Variants in SBF2 observed in about 807,000 individuals in gnomAD.
SBF2 encodes the protein myotubularin-related protein 13.
SBF2 carries 112 observed loss-of-function variants against 225.2 expected under a neutral mutation model. The ratio of observed to expected loss-of-function variants is 0.50; its 90% CI spans 0.43 to 0.58. The LOEUF (loss-of-function observed/expected upper bound fraction) is 0.58. Ranked by LOEUF, SBF2 falls within the 20% of genes least tolerant of loss-of-function variation. The probability of loss-of-function intolerance (pLI) is 0.00; values close to 1 mark genes in which losing one functional copy is unlikely to be tolerated. For synonymous variants in SBF2, 763 were observed against 773.3 expected (o/e 0.99, Z 0.22); for missense variants, 1,996 against 2,206.2 (o/e 0.90, Z 1.91).
chr11:10,067,334 G>A (rs372987165), intron 2 of SBF2, among the ~76,000 whole-genome samples: 4 of 152,120 alleles, frequency 2.6e-5, no homozygotes, highest in African/African-American at 9.7e-5. Flanking sequence ...TGCAATCCCA[G>A]TCCAAGTGTC....
intron 1 of SBF2, among the ~76,000 whole-genome samples, chr11:10,207,771 C>A (rs1957796055): frequency 6.6e-6 from 1 of 152,058 alleles, no homozygotes; most frequent in East Asian, 1.9e-4. Flanking sequence ...AGCCCAAAGG[C>A]ACAATAATTA....
At chr11:10,273,832 T>C (rs979333279) in intron 1 of SBF2, among the ~76,000 whole-genome samples, 1 of 152,198 alleles carries the variant, frequency 6.6e-6, no homozygotes, top group African/African-American at 2.4e-5. Context: ...TAGATAGACC[T>C]GACAGGAATA....
chr11:9,801,118 A>G (rs565559319), intron 32 of SBF2, among the ~76,000 whole-genome samples: 3 of 152,186 alleles, frequency 2.0e-5, no homozygotes, highest in South Asian at 4.1e-4. Flanking sequence ...AATTAATTCT[A>G]TGTCAGCATT....
intron 2 of SBF2, among the ~76,000 whole-genome samples, chr11:10,044,065 A>G (rs1004166197): frequency 1.3e-5 from 2 of 152,222 alleles, no homozygotes; most frequent in African/African-American, 4.8e-5. Flanking sequence ...TCAGTAAACT[A>G]AGCTTTGACC....
chr11:10,202,592 T>C (rs12277662), intron 1 of SBF2, among the ~76,000 whole-genome samples: 14,476 of 152,180 alleles, frequency 0.095, 939 homozygotes, highest in East Asian at 0.28. Context: ...GAGACCATCC[T>C]AGCTAACACG....
intron 10 of SBF2, 29 bp from the exon 11 acceptor site, chr11:9,993,132 A>ATTTAACT: frequency 6.5e-7 from 1 of 1,527,904 alleles, no homozygotes; most frequent in South Asian, 1.1e-5. Flanking sequence ...ATGTTAGGTA[A>ATTTAACT]TTTAACTTTT....
chr11:9,908,257 A>G (rs889991959), intron 16 of SBF2, among the ~76,000 whole-genome samples: 2 of 152,242 alleles, frequency 1.3e-5, no homozygotes, highest in African/African-American at 4.8e-5. Flanking sequence ...ATTTAAAAAC[A>G]TTACAAAATA....
rs1555073581 is a variant in SBF2, at chr11:10,196,866, A to ATTTTTTTTTTT, written c.56-2880_56-2879insAAAAAAAAAAA. Among the ~76,000 whole-genome samples the ATTTTTTTTTTT allele has an allele frequency of 4.5e-4, 45 of 99,174 alleles. 1 individual carries two copies. Among genetic ancestry groups the ATTTTTTTTTTT allele is most frequent in the Non-Finnish European group, 6.1e-4 (31 of 50,596 alleles). The allele number at this position is 99,174 out of a possible 152,430, so 65.1% of individuals were successfully genotyped here. On this transcript the variant is annotated intron_variant, in intron 1 of 39. Coordinates refer to ENST00000256190, the MANE Select transcript of SBF2 (RefSeq NM_030962.4). Reference sequence around the variant, plus strand: ...TATATATATATATATATATATATATATTTTTTTTTTCCTACAAAATGAATA... The same window carrying ATTTTTTTTTTT: ...TATATATATATATATATATATATATATTTTTTTTTTTTTTTTTTTTTCCTACAAAATGAATA...
chr11:10,109,026 G>T (rs191464302), intron 2 of SBF2, among the ~76,000 whole-genome samples: 4 of 152,264 alleles, frequency 2.6e-5, no homozygotes, highest in Non-Finnish European at 4.4e-5. Context: ...ACCTCCAAAG[G>T]CTGGCCCCTT....
At chr11:9,868,518 A>T (rs1166753189) in intron 17 of SBF2, among the ~76,000 whole-genome samples, 1 of 151,940 alleles carries the variant, frequency 6.6e-6, no homozygotes, top group Non-Finnish European at 1.5e-5. Flanking sequence ...AGACAAAAAA[A>T]TAAGTAAATA....
intron 6 of SBF2, among the ~76,000 whole-genome samples, chr11:10,011,122 C>G (rs1231156319): frequency 6.6e-6 from 1 of 152,146 alleles, no homozygotes; most frequent in Non-Finnish European, 1.5e-5. Flanking sequence ...CACATATAGT[C>G]TATTTACCCA....
At chr11:10,110,262 C>G (rs1952773018) in intron 2 of SBF2, among the ~76,000 whole-genome samples, 1 of 152,138 alleles carries the variant, frequency 6.6e-6, no homozygotes, top group South Asian at 2.1e-4. Context: ...ACTAAATTAA[C>G]CAAACTACAT....
intron 16 of SBF2, among the ~76,000 whole-genome samples, chr11:9,903,205 C>T (rs1196524574): frequency 6.6e-6 from 1 of 151,998 alleles, no homozygotes; most frequent in Non-Finnish European, 1.5e-5. Context: ...ATCTGTAGTC[C>T]CAGCTACTAG....
At chr11:10,231,250 G>A (rs1212878214) in intron 1 of SBF2, among the ~76,000 whole-genome samples, 3 of 152,216 alleles carry the variant, frequency 2.0e-5, no homozygotes, top group African/African-American at 7.2e-5. Context: ...TTTGCCATTG[G>A]TTCGAACTTT....
intron 17 of SBF2, among the ~76,000 whole-genome samples, chr11:9,876,787 T>C (rs1156870474): frequency 6.6e-6 from 1 of 152,208 alleles, no homozygotes; most frequent in Non-Finnish European, 1.5e-5. Flanking sequence ...TTACCCAGGC[T>C]AGAGTGCAGT....
At chr11:10,282,241 C>A (rs1963459312) in intron 1 of SBF2, among the ~76,000 whole-genome samples, 1 of 152,124 alleles carries the variant, frequency 6.6e-6, no homozygotes, top group Admixed American at 6.5e-5. Flanking sequence ...TTTTGCAATA[C>A]CTCTGACTAC....
At chr11:10,226,017 T>G (rs1235758730) in intron 1 of SBF2, among the ~76,000 whole-genome samples, 1 of 152,158 alleles carries the variant, frequency 6.6e-6, no homozygotes, top group South Asian at 2.1e-4. Flanking sequence ...AAGACACATA[T>G]AAGCCTGTTT....
chr11:9,999,110 G>C (rs1461319938), intron 8 of SBF2, among the ~76,000 whole-genome samples: 4 of 152,130 alleles, frequency 2.6e-5, no homozygotes, highest in African/African-American at 7.2e-5. Context: ...AAAAGTGTAA[G>C]AGAAAACAAC....
chr11:10,106,643 A>AC (rs1272216120), intron 2 of SBF2, among the ~76,000 whole-genome samples: 1 of 151,468 alleles, frequency 6.6e-6, no homozygotes, highest in South Asian at 2.1e-4. Flanking sequence ...AAAAAAAAAA[A>AC]AAAAAACCCA....
Sources: gnomAD v4.1 joint callset for allele counts (sites outside exome capture counted in the v4.1 genomes callset) on GRCh38, gnomAD v4.1.1 for gene constraint, MANE v1.5 for transcripts, NCBI Gene and HGNC (gene_info 2026-07-23, HGNC 2026-07-21) for gene names.